The following ANKFN1 variants were observed in gnomAD, a reference collection of about 807,000 sequenced individuals.
The protein encoded by ANKFN1 is ankyrin repeat and fibronectin type-III domain-containing protein 1.
ANKFN1 carries 74 observed loss-of-function variants against 108.7 expected under a neutral mutation model. The ratio of observed to expected loss-of-function variants is 0.68; its 90% CI spans 0.56 to 0.83. The LOEUF (loss-of-function observed/expected upper bound fraction) is 0.83. ANKFN1 is among the 40% of genes least tolerant of loss of function. The probability of loss-of-function intolerance (pLI) is 0.00; values close to 1 mark genes in which losing one functional copy is unlikely to be tolerated. For missense variants in ANKFN1, 1,505 were observed against 1,382.3 expected, an observed-to-expected ratio of 1.09 and a Z score of -1.41; for synonymous variants, 547 against 516.2, an observed-to-expected ratio of 1.06 and a Z score of -0.81.
chr17:56,208,233 C>G (rs190465319), intron 1 of ANKFN1, among the ~76,000 whole-genome samples: 21 of 152,282 alleles, frequency 1.4e-4, no homozygotes, highest in Non-Finnish European at 1.9e-4. Context: ...CAACACCAGG[C>G]TGGTCTTAAA....
At chr17:56,261,043 T>C (rs1216162271) in intron 3 of ANKFN1, among the ~76,000 whole-genome samples, 1 of 152,212 alleles carries the variant, frequency 6.6e-6, no homozygotes, top group Non-Finnish European at 1.5e-5. Context: ...CATCTTGCAT[T>C]TGCTTTTTGG....
At chr17:56,376,813 A>G (rs1159696145) in intron 8 of ANKFN1, among the ~76,000 whole-genome samples, 1 of 152,202 alleles carries the variant, frequency 6.6e-6, no homozygotes, top group Non-Finnish European at 1.5e-5. Context: ...CTGTTGCATT[A>G]TGGAGTAGGT....
chr17:56,489,977 G>A (rs1402910059), intron 18 of ANKFN1, among the ~76,000 whole-genome samples: 1 of 152,188 alleles, frequency 6.6e-6, no homozygotes, highest in Non-Finnish European at 1.5e-5. Flanking sequence ...CAAGCCCACA[G>A]TAAAGGAAAG....
intron 9 of ANKFN1, among the ~76,000 whole-genome samples, chr17:56,442,054 A>G (rs1158849489): frequency 6.6e-6 from 1 of 152,214 alleles, no homozygotes; most frequent in Admixed American, 6.5e-5. Context: ...TAAAAACTAT[A>G]CAAAAGATTT....
intron 8 of ANKFN1, among the ~76,000 whole-genome samples, chr17:56,399,910 A>G (rs1363521728): frequency 2.0e-5 from 3 of 146,640 alleles, no homozygotes; most frequent in Admixed American, 6.9e-5. Context: ...CATTTTATAT[A>G]TATATATTAT....
chr17:56,248,265 A>G (rs2043160620), intron 3 of ANKFN1, among the ~76,000 whole-genome samples: 1 of 152,168 alleles, frequency 6.6e-6, no homozygotes, highest in Non-Finnish European at 1.5e-5. Context: ...CATGATACAG[A>G]GTATGAGAAG....
At chr17:56,296,075 G>GT (rs138833335) in intron 3 of ANKFN1, among the ~76,000 whole-genome samples, 7,669 of 150,990 alleles carry the variant, frequency 0.051, 620 homozygotes, top group African/African-American at 0.17. Flanking sequence ...TTAAATTCAG[G>GT]TTTTTTTTTC....
At chr17:56,284,914 C>T (rs1225694992) in intron 3 of ANKFN1, among the ~76,000 whole-genome samples, 1 of 152,226 alleles carries the variant, frequency 6.6e-6, no homozygotes, top group East Asian at 1.9e-4. Context: ...CCCAACTCCC[C>T]AGAGGAGAAA....
Position 56,052,898 on chromosome 17 carries a change from A to G in ANKFN1, c.288+6573A>G, listed in dbSNP as rs371363718. On this transcript the variant is annotated intron_variant, in intron 4 of 12. Transcript: ENST00000635860. ...GGGTCTCATGCCACTTGAAAGTTGTAGGACCACAATTTGAGCCCAAACAGT... is the reference window on the plus strand; with the variant it reads ...GGGTCTCATGCCACTTGAAAGTTGTGGGACCACAATTTGAGCCCAAACAGT... Among the ~76,000 whole-genome samples, 59 of 152,346 alleles carry G rather than the reference A, an allele frequency of 3.9e-4. 2 individuals carry two copies. The South Asian group carries it at 0.012, about 30-fold the overall frequency.
intron 18 of ANKFN1, among the ~76,000 whole-genome samples, chr17:56,490,121 A>G (rs1452685057): frequency 1.3e-5 from 2 of 152,210 alleles, no homozygotes. Flanking sequence ...AGGACATAAA[A>G]ATTAATAGGA....
At chr17:56,332,633 C>T (rs1567920673) in intron 4 of ANKFN1, among the ~76,000 whole-genome samples, 1 of 152,052 alleles carries the variant, frequency 6.6e-6, no homozygotes, top group Non-Finnish European at 1.5e-5. Context: ...GCTCTCTATG[C>T]TGTGTCATTC....
chr17:56,263,473 T>G (rs1401303876), intron 3 of ANKFN1, among the ~76,000 whole-genome samples: 1 of 152,254 alleles, frequency 6.6e-6, no homozygotes, highest in Non-Finnish European at 1.5e-5. Flanking sequence ...ATCATAAATA[T>G]AGCTGCATAA....
chr17:56,440,510 C>A, intron 9 of ANKFN1, 86 bp downstream of exon 9: 1 of 1,033,514 alleles, frequency 9.7e-7, no homozygotes, highest in Non-Finnish European at 1.5e-6. Context: ...CTGAAAGCAA[C>A]AGCCAACGCC....
chr17:56,302,922 A>C (rs894356807), intron 3 of ANKFN1, among the ~76,000 whole-genome samples: 1 of 152,224 alleles, frequency 6.6e-6, no homozygotes, highest in Non-Finnish European at 1.5e-5. Context: ...AGTCCATTAA[A>C]TAGTTTGACT....
At chr17:56,442,812 A>G in intron 9 of ANKFN1, 31 bp from the exon 10 acceptor site, 1 of 1,594,234 alleles carries the variant, frequency 6.3e-7, no homozygotes, top group East Asian at 2.2e-5. Flanking sequence ...ATTAAATAAA[A>G]TGCCTGATGC....
rs189755670 is a variant in ANKFN1, at chr17:56,220,240, A to G, written c.12+7561A>G. Among the ~76,000 whole-genome samples, 173 of 152,360 alleles carry G rather than the reference A, an allele frequency of 1.1e-3. 1 individual carries two copies. Among genetic ancestry groups the G allele is most frequent in the Non-Finnish European group, 1.3e-4 (9 of 68,028 alleles). Reference sequence around the variant, plus strand: ...CCTGGAAAAAGAGATATTCATAAATATTGAATTAATTAATGCAGATAATAA... The same window carrying G: ...CCTGGAAAAAGAGATATTCATAAATGTTGAATTAATTAATGCAGATAATAA... On this transcript the variant is annotated intron_variant, in intron 2 of 20. Transcript: ENST00000682825.
chr17:56,274,468 G>A (rs2043869609), intron 3 of ANKFN1, among the ~76,000 whole-genome samples: 1 of 151,958 alleles, frequency 6.6e-6, no homozygotes, highest in Non-Finnish European at 1.5e-5. Context: ...GCGAGACTCC[G>A]CCTCAAAAAA....
At chr17:56,378,696 G>A (rs766466378) in intron 8 of ANKFN1, among the ~76,000 whole-genome samples, 2 of 152,292 alleles carry the variant, frequency 1.3e-5, no homozygotes, top group African/African-American at 2.4e-5. Flanking sequence ...TGAGAGCAAC[G>A]AGGAGGAGCA....
chr17:56,434,758 G>A (rs563720825), intron 8 of ANKFN1, among the ~76,000 whole-genome samples: 4 of 147,614 alleles, frequency 2.7e-5, no homozygotes, highest in African/African-American at 7.3e-5. Flanking sequence ...ATTTGATCTC[G>A]GTCTGGGTTT....
Sources: gnomAD v4.1 joint callset for allele counts (sites outside exome capture counted in the v4.1 genomes callset) on GRCh38, gnomAD v4.1.1 for gene constraint, MANE v1.5 for transcripts, NCBI Gene and HGNC (gene_info 2026-07-23, HGNC 2026-07-21) for gene names.